GLRA2: variants seen among roughly 807,000 people sequenced by gnomAD.
GLRA2 encodes glycine receptor alpha 2, also known as glycine receptor subunit alpha-2.
GLRA2 carries 11 observed loss-of-function variants against 31.6 expected under a neutral mutation model. That is an observed-to-expected ratio of 0.35 (90% CI 0.22 to 0.58). The LOEUF is 0.58. Among genes scored for constraint, GLRA2 ranks in the 20% least tolerant of loss-of-function variants. The pLI is 0.84. For missense variants in GLRA2, 212 were observed against 351.8 expected (o/e 0.60, Z 3.18); for synonymous variants, 132 against 134.0 (o/e 0.99, Z 0.10).
chrX:14,704,061 C>T (rs1300041215), intron 8 of GLRA2, among the ~76,000 whole-genome samples: 2 of 111,566 alleles, frequency 1.8e-5, no homozygotes, highest in African/African-American at 3.3e-5. Context: ...ACCCCATCCT[C>T]GGCCTCCCCA....
the GLRA2 span, among the ~76,000 whole-genome samples, chrX:14,471,830 A>G: frequency 8.9e-6 from 1 of 112,259 alleles, no homozygotes; most frequent in Non-Finnish European, 1.9e-5. Context: ...AGAACCAACA[A>G]GGGTTGAGGT....
chrX:14,518,253 C>G, the GLRA2 span, among the ~76,000 whole-genome samples: 2 of 111,942 alleles, frequency 1.8e-5, no homozygotes, highest in African/African-American at 6.5e-5. Flanking sequence ...TTAGTTATAA[C>G]CTTTTTACAT....
chrX:14,502,415 T>C, the GLRA2 span, among the ~76,000 whole-genome samples: 1 of 112,043 alleles, frequency 8.9e-6, no homozygotes, highest in Non-Finnish European at 1.9e-5. Flanking sequence ...CATATTGATA[T>C]ATGTAAAAAT....
the GLRA2 span, among the ~76,000 whole-genome samples, chrX:14,455,663 G>T: frequency 9.0e-6 from 1 of 111,071 alleles, no homozygotes; most frequent in African/African-American, 3.3e-5. Context: ...GTTTGTTCTT[G>T]GTTCCTGATA....
chrX:14,601,001 G>T (rs1030883769), intron 4 of GLRA2, among the ~76,000 whole-genome samples: 21 of 60,471 alleles, frequency 3.5e-4, no homozygotes, highest in African/African-American at 1.3e-4. Flanking sequence ...CTTTGTTGTT[G>T]TTTTTTTTTT....
chrX:14,542,193 G>A (rs1005152429), intron 2 of GLRA2, among the ~76,000 whole-genome samples: 1 of 111,920 alleles, frequency 8.9e-6, no homozygotes, highest in Non-Finnish European at 1.9e-5. Flanking sequence ...AAGGAGGAAC[G>A]GTTGGTATAG....
chrX:14,618,511 C>T (rs1249019664), intron 7 of GLRA2, among the ~76,000 whole-genome samples: 1 of 111,547 alleles, frequency 9.0e-6, no homozygotes. Flanking sequence ...ATATATATAG[C>T]ATAATAAGGA....
intron 7 of GLRA2, among the ~76,000 whole-genome samples, chrX:14,628,549 G>A (rs1188974750): frequency 8.9e-6 from 1 of 111,820 alleles, no homozygotes; most frequent in Non-Finnish European, 1.9e-5. Flanking sequence ...AAGTAACTCT[G>A]TGTGTCATGA....
At position 14,604,490 on chromosome X, in the gene GLRA2, T is replaced by C. The variant is rs1239758756; in HGVS notation, c.577+93T>C. 5 of 531,023 alleles carry C rather than the reference T, an allele frequency of 9.4e-6. No individual in the cohort carries two copies. In the African/African-American group the frequency reaches 9.6e-5, roughly 10 times the overall value. The allele number at this position is 531,023 out of a possible 1,213,427, so 43.8% of individuals were successfully genotyped here. A position where few individuals can be genotyped will look rare whatever the true frequency, so the allele number is the denominator to read the frequency against. On this transcript the variant is annotated intron_variant, in intron 5 of 8. Coordinates refer to ENST00000218075, the MANE Select transcript of GLRA2 (RefSeq NM_002063.4). Reference sequence around the variant, plus strand: ...ATTAAAGAGAAAGGACCCTTACAACTCATTCCCTATATACTGACCAACCCC... The same window carrying C: ...ATTAAAGAGAAAGGACCCTTACAACCCATTCCCTATATACTGACCAACCCC...
chrX:14,650,032 A>G (rs185279285), intron 7 of GLRA2, among the ~76,000 whole-genome samples: 16 of 112,068 alleles, frequency 1.4e-4, no homozygotes, highest in Admixed American at 1.2e-3. Context: ...CTTAATAGGA[A>G]TATTTTAGTT....
the GLRA2 span, among the ~76,000 whole-genome samples, chrX:14,493,612 C>CATATAT: frequency 6.4e-5 from 6 of 93,062 alleles, no homozygotes; most frequent in African/African-American, 2.9e-4. Flanking sequence ...TACACATATA[C>CATATAT]ACATATATAC....
the GLRA2 span, among the ~76,000 whole-genome samples, chrX:14,482,850 A>G: frequency 5.4e-5 from 6 of 110,734 alleles, no homozygotes; most frequent in African/African-American, 9.9e-5. Context: ...ATCTTATTTA[A>G]TTCTCACACA....
At chrX:14,671,266 G>C (rs898405722) in intron 7 of GLRA2, among the ~76,000 whole-genome samples, 1 of 111,704 alleles carries the variant, frequency 9.0e-6, no homozygotes, top group Non-Finnish European at 1.9e-5. Flanking sequence ...CAATGATGTG[G>C]CAGGCATCAT....
At chrX:14,580,998 TTTTC>T (rs1168070159) in intron 3 of GLRA2, among the ~76,000 whole-genome samples, 181 bp from the exon 4 acceptor site, 6 of 111,768 alleles carry the variant, frequency 5.4e-5, no homozygotes, top group African/African-American at 2.0e-4. Flanking sequence ...GAATCTTCCT[TTTTC>T]TTTCTCCCTT....
intron 2 of GLRA2, among the ~76,000 whole-genome samples, chrX:14,555,121 A>T (rs1345665917): frequency 1.8e-5 from 2 of 112,210 alleles, no homozygotes; most frequent in Non-Finnish European, 3.8e-5. Context: ...AACACTGTGT[A>T]TAGGGATGAG....
rs762711472 is a variant in GLRA2, at chrX:14,621,934, C to CA, written c.930+12730dup. Among the ~76,000 whole-genome samples the CA allele has an allele frequency of 4.6e-4, 52 of 112,129 alleles. 1 individual carries two copies. Among genetic ancestry groups the CA allele is most frequent in the Non-Finnish European group, 1.5e-4 (8 of 53,220 alleles). ...TAGTTCTAGATCCTTGAGGAATCGC[C>CA]ACACTGTCTTCCACAATGGCTGTAC... On this transcript the variant is annotated intron_variant, in intron 7 of 8. Coordinates refer to ENST00000218075, the MANE Select transcript of GLRA2 (RefSeq NM_002063.4).
chrX:14,694,699 C>T (rs1380001335), intron 8 of GLRA2, among the ~76,000 whole-genome samples: 5 of 112,420 alleles, frequency 4.4e-5, no homozygotes, highest in African/African-American at 1.6e-4. Flanking sequence ...AATTTATTTA[C>T]TTCTTACTAT....
chrX:14,589,227 C>G (rs964317121), intron 4 of GLRA2, among the ~76,000 whole-genome samples: 1 of 110,584 alleles, frequency 9.0e-6, no homozygotes, highest in African/African-American at 3.3e-5. Flanking sequence ...ATAGATTGCT[C>G]TTATTATTTT....
At chrX:14,648,799 A>G (rs1465344839) in intron 7 of GLRA2, among the ~76,000 whole-genome samples, 1 of 112,230 alleles carries the variant, frequency 8.9e-6, no homozygotes, top group East Asian at 2.8e-4. Flanking sequence ...TTATACACCT[A>G]CTAGAATGGT....
Sources: gnomAD v4.1 joint callset for allele counts (sites outside exome capture counted in the v4.1 genomes callset) on GRCh38, gnomAD v4.1.1 for gene constraint, MANE v1.5 for transcripts, NCBI Gene and HGNC (gene_info 2026-07-23, HGNC 2026-07-21) for gene names.